The following CCDC141 variants were observed in gnomAD, a reference collection of about 807,000 sequenced individuals.
CCDC141 encodes the protein coiled-coil domain containing 141, also known as coiled-coil domain-containing protein 141.
Under a neutral mutation model 181.0 loss-of-function variants are expected in CCDC141, and 168 were observed. The ratio of observed to expected loss-of-function variants is 0.93; its 90% confidence interval spans 0.82 to 1.05. The LOEUF (loss-of-function observed/expected upper bound fraction) is 1.05. Among genes scored for constraint, CCDC141 ranks in the 50% least tolerant of loss-of-function variants. The pLI, the probability that CCDC141 is intolerant of heterozygous loss-of-function variation, is 0.00. For synonymous variants in CCDC141, 666 were observed against 642.3 expected, an observed-to-expected ratio of 1.04 and a Z score of -0.56; for missense variants, 1,902 against 1,788.5, an observed-to-expected ratio of 1.06 and a Z score of -1.14.
At chr2:178,877,874 G>T in intron 12 of CCDC141, 90 bp downstream of exon 12, 1 of 1,274,642 alleles carries the variant, frequency 7.8e-7, no homozygotes, top group Non-Finnish European at 1.1e-6. Flanking sequence ...GAGAACTGCT[G>T]ATTAATAGAC....
intron 2 of CCDC141, among the ~76,000 whole-genome samples, chr2:179,006,461 C>G (rs1378151624): frequency 2.0e-5 from 3 of 152,158 alleles, no homozygotes; most frequent in Non-Finnish European, 2.9e-5. Context: ...TAGGAAATAT[C>G]TGCACCCATC....
In CCDC141 at chr2:178,961,377, C is replaced by G; in HGVS notation, c.633G>C (p.Gln211His). 1 of 1,550,602 alleles carries G rather than the reference C, an allele frequency of 6.4e-7. No individual in the cohort carries two copies. The highest frequency in any genetic ancestry group is 8.7e-7 in the Non-Finnish European group (1 of 1,146,956). Residue 211 changes from glutamine (Q) to histidine (H), a missense_variant, in exon 5 of 24, where the codon CAG becomes CAC. Coordinates refer to ENST00000443758, the MANE Select transcript of CCDC141 (RefSeq NM_173648.4). Reference sequence around the variant, plus strand: ...CCTTCAGACAGCTGCTATGAGCTCCCTGAGTCAACTCAGGATTCACATTAG... The same window carrying G: ...CCTTCAGACAGCTGCTATGAGCTCCGTGAGTCAACTCAGGATTCACATTAG... ...EGPNVNPELT[Q>H]GAHSSCLKVD...
At chr2:178,825,086 CA>C (rs1684100866), downstream of CCDC141, among the ~76,000 whole-genome samples, 4 of 152,162 alleles carry the variant, frequency 2.6e-5, no homozygotes, top group South Asian at 8.3e-4. Context: ...TTAGACAATA[CA>C]AAACAATTAG....
chr2:179,025,614 T>G (rs568850856), intron 2 of CCDC141, among the ~76,000 whole-genome samples: 56 of 152,268 alleles, frequency 3.7e-4, no homozygotes, highest in African/African-American at 1.3e-3. Context: ...ATCAGCAGTG[T>G]GAAAATGGAC....
intron 2 of CCDC141, among the ~76,000 whole-genome samples, chr2:178,992,032 A>G (rs1692079062): frequency 2.0e-5 from 3 of 151,978 alleles, no homozygotes; most frequent in Admixed American, 2.0e-4. Flanking sequence ...AAAATATTGA[A>G]TAATTTCTCA....
intron 21 of CCDC141, among the ~76,000 whole-genome samples, chr2:178,847,637 A>G (rs1041179507): frequency 3.3e-5 from 5 of 152,186 alleles, no homozygotes; most frequent in Non-Finnish European, 5.9e-5. Context: ...ATAATCAAGT[A>G]GGGAGGGTTG....
rs1425405054 is a variant in CCDC141, at chr2:178,853,598, A to C, written c.3087T>G (p.Ser1029Arg). 1.2e-6 allele frequency: 2 copies of C among 1,612,974 alleles called. No homozygotes were observed. Among genetic ancestry groups the C allele is most frequent in the Non-Finnish European group, 1.7e-6 (2 of 1,179,450 alleles). The change falls in exon 20 of 24, where the codon AGT (serine) becomes AGG (arginine). Residue 1029 changes from serine (S) to arginine (R), a missense_variant. Coordinates refer to ENST00000443758, the MANE Select transcript of CCDC141 (RefSeq NM_173648.4). ...EECHFWYEDA[S>R]ATVVRVGKYS... The stretch of plus-strand genomic sequence containing the variant: ...ATTTTCCAACTCTTACAACTGTGGC[A>C]CTTGCATCTTCGTACCAAAAATGAC...
intron 4 of CCDC141, among the ~76,000 whole-genome samples, chr2:178,972,105 T>A (rs535091801): frequency 3.4e-4 from 51 of 151,908 alleles, no homozygotes; most frequent in Non-Finnish European, 5.0e-4. Flanking sequence ...AAAATAAATT[T>A]AAAAAAAGAT....
chr2:178,906,568 G>A (rs1687981357), intron 7 of CCDC141, among the ~76,000 whole-genome samples: 1 of 152,190 alleles, frequency 6.6e-6, no homozygotes, highest in African/African-American at 2.4e-5. Context: ...ATACCAATCT[G>A]GAAAATAGTC....
chr2:178,981,330 T>A (rs1426915857), intron 2 of CCDC141, among the ~76,000 whole-genome samples: 1 of 151,978 alleles, frequency 6.6e-6, no homozygotes, highest in Non-Finnish European at 1.5e-5. Flanking sequence ...TACATCAAGA[T>A]AGGCCATATC....
chr2:178,844,973 T>A (rs944598680), intron 22 of CCDC141, among the ~76,000 whole-genome samples: 1 of 152,248 alleles, frequency 6.6e-6, no homozygotes, highest in African/African-American at 2.4e-5. Flanking sequence ...CTTGATGTTG[T>A]GATTTAAATA....
At chr2:178,995,298 A>G (rs1430651641) in intron 2 of CCDC141, among the ~76,000 whole-genome samples, 2 of 152,206 alleles carry the variant, frequency 1.3e-5, no homozygotes, top group Non-Finnish European at 2.9e-5. Flanking sequence ...CACATCTTAC[A>G]TGGATAGCAG....
In CCDC141 at chr2:178,978,581, T is replaced by C. The variant is rs1391324795; in HGVS notation, c.320A>G (p.Glu107Gly). The C allele has an allele frequency of 2.6e-6, 4 of 1,550,048 alleles. No homozygotes were observed. The highest frequency in any genetic ancestry group is 3.5e-6 in the Non-Finnish European group (4 of 1,146,786). ...AGCTGCCCATGCTTCACCCAGAGTC[T>C]CGGCCATGGCATCATAGACCTGACT... ...DQSQVYDAMAETLGEAWAALV... is the reference protein window; with the variant it reads ...DQSQVYDAMAGTLGEAWAALV... Residue 107 changes from glutamate (E) to glycine (G), a missense_variant, in exon 3 of 24, where the codon GAG becomes GGG. Transcript: ENST00000443758.
chr2:178,844,583 CA>C (rs1411644075), intron 22 of CCDC141, among the ~76,000 whole-genome samples: 1 of 152,000 alleles, frequency 6.6e-6, no homozygotes, highest in Admixed American at 6.6e-5. Context: ...GACCCTACCA[CA>C]AAAAAAGACA....
rs1165921653 is a variant in CCDC141, at chr2:178,834,342, T to A, written c.4424A>T (p.Asp1475Val). Reference protein sequence around the residue: ...SVFIPKVCKADAGLYVARAQN... With the variant: ...SVFIPKVCKAVAGLYVARAQN... The stretch of plus-strand genomic sequence containing the variant: ...GGCCCGAGCCACATAGAGGCCTGCG[T>A]CTGCCTTGCATACCTTTGGAATGAA... Residue 1475 changes from aspartate (D) to valine (V), a missense_variant, in exon 24 of 24, where the codon GAC becomes GTC. Transcript: ENST00000443758. 2 of 1,536,230 alleles carry A rather than the reference T, an allele frequency of 1.3e-6. No homozygotes were observed. Among genetic ancestry groups the A allele is most frequent in the Non-Finnish European group, 8.7e-7 (1 of 1,146,872 alleles).
At chr2:178,955,211 G>A (rs540215034) in intron 5 of CCDC141, among the ~76,000 whole-genome samples, 4 of 152,228 alleles carry the variant, frequency 2.6e-5, no homozygotes, top group Non-Finnish European at 4.4e-5. Flanking sequence ...CTTGAACCCC[G>A]GAGGTGGAGG....
At chr2:178,882,357 G>A (rs965314068) in intron 11 of CCDC141, among the ~76,000 whole-genome samples, 8 of 152,062 alleles carry the variant, frequency 5.3e-5, no homozygotes, top group Admixed American at 1.3e-4. Context: ...CAACAAGAGC[G>A]AAACTCTGTC....
chr2:179,046,706 T>A (rs527459895), intron 2 of CCDC141, among the ~76,000 whole-genome samples: 1 of 152,204 alleles, frequency 6.6e-6, no homozygotes, highest in Non-Finnish European at 1.5e-5. Context: ...TCCCACAGAT[T>A]ATGTAGCTGG....
intron 17 of CCDC141, among the ~76,000 whole-genome samples, chr2:178,859,182 A>C (rs1295394030): frequency 6.6e-6 from 1 of 152,184 alleles, no homozygotes; most frequent in Non-Finnish European, 1.5e-5. Context: ...CCATTTTAAA[A>C]CTAAATCTCT....
Sources: allele counts gnomAD v4.1 joint callset (sites outside exome capture counted in the v4.1 genomes callset), GRCh38; gene constraint gnomAD v4.1.1; transcripts MANE v1.5; gene names NCBI Gene and HGNC (gene_info 2026-07-23, HGNC 2026-07-21).